Variants in ZNF18 observed in about 807,000 individuals in gnomAD.
ZNF18 encodes zinc finger protein 18.
Under a neutral mutation model 58.1 loss-of-function variants are expected in ZNF18, and 42 were observed. The ratio of observed to expected loss-of-function variants is 0.72; its 90% confidence interval spans 0.56 to 0.93. The LOEUF (loss-of-function observed/expected upper bound fraction) is 0.93, where lower values mean the gene tolerates loss of function less well. Ranked by LOEUF, ZNF18 falls within the 40% of genes least tolerant of loss-of-function variation. The pLI, the probability that ZNF18 is intolerant of heterozygous loss-of-function variation, is 0.00. For synonymous variants in ZNF18, 231 were observed against 239.8 expected, an observed-to-expected ratio of 0.96 and a Z score of 0.34; for missense variants, 540 against 644.2, an observed-to-expected ratio of 0.84 and a Z score of 1.75.
the ZNF18 span, among the ~76,000 whole-genome samples, chr17:12,003,619 C>T: frequency 1.1e-4 from 16 of 152,096 alleles, no homozygotes; most frequent in African/African-American, 3.9e-4. Flanking sequence ...AAATTTTTCC[C>T]TGAGGCCGTA....
the ZNF18 span, among the ~76,000 whole-genome samples, chr17:12,015,377 T>C: frequency 6.6e-6 from 1 of 152,228 alleles, no homozygotes; most frequent in Non-Finnish European, 1.5e-5. Flanking sequence ...CAATAAGTCA[T>C]TATTTTTATC....
the ZNF18 span, among the ~76,000 whole-genome samples, chr17:12,012,081 T>C: frequency 6.6e-6 from 1 of 152,214 alleles, no homozygotes; most frequent in Non-Finnish European, 1.5e-5. Flanking sequence ...ATATATAATG[T>C]AAAGTGTCCC....
At position 11,994,283 on chromosome 17, in the gene ZNF18, T is replaced by G. The variant is rs542530710; in HGVS notation, c.-82-1372A>C. ...TAATTTATCCGACATTGGAAAATCA[T>G]TTAAAAACTAAAAAAGAAAAACAAT... On this transcript the variant is annotated intron_variant, in intron 1 of 6. Transcript: ENST00000580306. 3.9e-5 allele frequency among the ~76,000 whole-genome samples: 6 copies of G among 152,236 alleles called. No individual in the cohort carries two copies. In the South Asian group the frequency reaches 1.0e-3, roughly 26 times the overall value.
intron 4 of ZNF18, among the ~76,000 whole-genome samples, chr17:11,985,526 T>A (rs915692656): frequency 3.9e-5 from 6 of 152,152 alleles, no homozygotes; most frequent in African/African-American, 1.4e-4. Context: ...GTACTTTTTT[T>A]ATTTATAGTA....
chr17:12,005,126 T>G, the ZNF18 span, among the ~76,000 whole-genome samples: 1 of 150,436 alleles, frequency 6.6e-6, no homozygotes, highest in South Asian at 2.1e-4. Flanking sequence ...TATATATTTA[T>G]GCATGTTATG....
the ZNF18 span, among the ~76,000 whole-genome samples, chr17:12,018,910 G>A: frequency 6.6e-6 from 1 of 150,828 alleles, no homozygotes; most frequent in Non-Finnish European, 1.5e-5. Flanking sequence ...TAATGAATTT[G>A]CTAGGTTGAA....
chr17:12,008,778 T>G, the ZNF18 span, among the ~76,000 whole-genome samples: 1 of 152,248 alleles, frequency 6.6e-6, no homozygotes, highest in African/African-American at 2.4e-5. Flanking sequence ...AATCAGTCTG[T>G]GGCCTCCACC....
At chr17:11,995,886 CAA>C (rs1237537676) in intron 1 of ZNF18, among the ~76,000 whole-genome samples, 1 of 151,964 alleles carries the variant, frequency 6.6e-6, no homozygotes, top group Non-Finnish European at 1.5e-5. Context: ...AAATATTACG[CAA>C]AGTGGTATTG....
the ZNF18 span, among the ~76,000 whole-genome samples, chr17:12,003,655 A>C: frequency 6.6e-6 from 1 of 152,184 alleles, no homozygotes; most frequent in Non-Finnish European, 1.5e-5. Context: ...AGGTATTCTC[A>C]ATCTGAGACT....
At chr17:11,997,714 C>T (rs1455052399), upstream of ZNF18, among the ~76,000 whole-genome samples, 1 of 152,232 alleles carries the variant, frequency 6.6e-6, no homozygotes, top group African/African-American at 2.4e-5. Flanking sequence ...ACTTCTCACC[C>T]GTCATTTATT....
At chr17:12,003,560 TA>T in the ZNF18 span, among the ~76,000 whole-genome samples, 26 of 152,212 alleles carry the variant, frequency 1.7e-4, no homozygotes, top group South Asian at 1.5e-3. Context: ...GTGCATACCT[TA>T]AAAAAGTATA....
At chr17:11,989,647 TA>T (rs1216805245) in intron 4 of ZNF18, among the ~76,000 whole-genome samples, 1 of 152,084 alleles carries the variant, frequency 6.6e-6, no homozygotes, top group Non-Finnish European at 1.5e-5. Context: ...CTAATGAACT[TA>T]AAGACATCAA....
At chr17:11,982,615 C>T (rs965373037) in intron 6 of ZNF18, among the ~76,000 whole-genome samples, 1 of 150,658 alleles carries the variant, frequency 6.6e-6, no homozygotes, top group African/African-American at 2.4e-5. Context: ...ATCCTTGGTC[C>T]TCTTCTTCCT....
chr17:11,997,861 C>T (rs1968572938), upstream of ZNF18, among the ~76,000 whole-genome samples: 1 of 152,198 alleles, frequency 6.6e-6, no homozygotes, highest in South Asian at 2.1e-4. Context: ...GATTCTTAAC[C>T]GCCGCCTTTC....
upstream of ZNF18, among the ~76,000 whole-genome samples, chr17:12,000,824 T>C (rs1419330892): frequency 6.6e-6 from 1 of 152,176 alleles, no homozygotes; most frequent in East Asian, 1.9e-4. Context: ...AAATCACTGG[T>C]GACCTTGACC....
intron 5 of ZNF18, 41 bp downstream of exon 5, chr17:11,984,072 G>A (rs1277071208): frequency 9.6e-6 from 15 of 1,562,986 alleles, no homozygotes; most frequent in Non-Finnish European, 1.2e-5. Flanking sequence ...CAGTTTTCCA[G>A]TCCTTCTACC....
chr17:12,021,327 C>A, the ZNF18 span: 1 of 171,626 alleles, frequency 5.8e-6, no homozygotes, highest in Non-Finnish European at 1.2e-5. Context: ...GCTTACCTGG[C>A]GCCCGCCCGG....
intron 5 of ZNF18, 83 bp downstream of exon 5, chr17:11,984,030 G>T: frequency 3.9e-6 from 5 of 1,272,102 alleles, no homozygotes; most frequent in Non-Finnish European, 5.5e-6. Context: ...CAGTTCAGCA[G>T]ATGTCTCTAT....
chr17:12,009,238 A>AT, the ZNF18 span: 475 of 145,518 alleles, frequency 3.3e-3, 1 homozygote, highest in East Asian at 0.014. Flanking sequence ...GGTGTAGACA[A>AT]TTTTTTTTTT....
Sources: gnomAD v4.1 joint callset for allele counts (sites outside exome capture counted in the v4.1 genomes callset) on GRCh38, gnomAD v4.1.1 for gene constraint, MANE v1.5 for transcripts, NCBI Gene and HGNC (gene_info 2026-07-23, HGNC 2026-07-21) for gene names.